Variants in LDLRAD4 observed in about 807,000 individuals in gnomAD.
LDLRAD4 encodes low density lipoprotein receptor class A domain containing 4.
LDLRAD4 carries 5 observed loss-of-function variants against 17.0 expected under a neutral mutation model. That is an observed-to-expected ratio of 0.29 (90% CI 0.15 to 0.62). The LOEUF (loss-of-function observed/expected upper bound fraction) is 0.62. LDLRAD4 is among the 20% of genes least tolerant of loss of function. The probability of loss-of-function intolerance (pLI) is 0.84; values close to 1 mark genes in which losing one functional copy is unlikely to be tolerated. For missense variants in LDLRAD4, 340 were observed against 424.7 expected, an observed-to-expected ratio of 0.80 and a Z score of 1.75; for synonymous variants, 168 against 171.8, an observed-to-expected ratio of 0.98 and a Z score of 0.17.
In LDLRAD4 at chr18:13,466,415, A is replaced by C. The variant is rs28563909; in HGVS notation, c.181+28031A>C. Among the ~76,000 whole-genome samples the C allele has an allele frequency of 7.0e-3, 1,014 of 145,072 alleles. 16 individuals are homozygous for C. The highest frequency in any genetic ancestry group is 0.024 in the African/African-American group (953 of 39,520). ...AGCCTAAGAGGTTGAGGCTGCAGTG[A>C]GCTGTGATCATGCCAGTGCACTCCA... is the stretch of plus-strand genomic sequence containing the variant. On this transcript the variant is annotated intron_variant, in intron 3 of 5. Transcript: ENST00000359446.
rs181414051 is a variant in LDLRAD4, at chr18:13,493,456, C to G, written c.181+55072C>G. On this transcript the variant is annotated intron_variant, in intron 3 of 5. Coordinates refer to ENST00000359446, the Ensembl canonical transcript of LDLRAD4. ...AAAAGTAGGTTGTGGAAGCAATGAT[C>G]ACTAGAAATATTTTATGGAAAAACA... 2.5e-3 allele frequency among the ~76,000 whole-genome samples: 378 copies of G among 152,224 alleles called. 3 individuals are homozygous for G. The highest frequency in any genetic ancestry group is 8.6e-3 in the African/African-American group (358 of 41,538).
chr18:13,586,045 T>G (rs2094928607), intron 3 of LDLRAD4, among the ~76,000 whole-genome samples: 2 of 152,124 alleles, frequency 1.3e-5, no homozygotes, highest in Admixed American at 1.3e-4. Context: ...GAATGAAAGT[T>G]GAAGATATGG....
At chr18:13,437,260 C>T (rs1316457904) in intron 2 of LDLRAD4, among the ~76,000 whole-genome samples, 2 of 152,216 alleles carry the variant, frequency 1.3e-5, no homozygotes, top group African/African-American at 2.4e-5. Flanking sequence ...ACCCGGGACT[C>T]CTCCAGAGAC....
At chr18:13,394,287 A>G (rs1392361260) in intron 2 of LDLRAD4, among the ~76,000 whole-genome samples, 2 of 152,238 alleles carry the variant, frequency 1.3e-5, no homozygotes, top group African/African-American at 4.8e-5. Flanking sequence ...AAACCATTCT[A>G]TACTGTTTCA....
At chr18:13,444,742 G>A (rs919489166) in intron 3 of LDLRAD4, among the ~76,000 whole-genome samples, 2 of 152,194 alleles carry the variant, frequency 1.3e-5, no homozygotes, top group Non-Finnish European at 1.5e-5. Flanking sequence ...GGTGCCTGGC[G>A]CATGTAGCAT....
At chr18:13,419,186 A>T (rs2089218786) in intron 2 of LDLRAD4, among the ~76,000 whole-genome samples, 2 of 152,174 alleles carry the variant, frequency 1.3e-5, no homozygotes. Flanking sequence ...GCAGTTGGGG[A>T]TCCACATAGG....
chr18:13,575,388 A>T (rs922582024), intron 3 of LDLRAD4, among the ~76,000 whole-genome samples: 3 of 152,178 alleles, frequency 2.0e-5, no homozygotes, highest in African/African-American at 4.8e-5. Flanking sequence ...GTTGCTGCAA[A>T]TGCCATTAAT....
intron 3 of LDLRAD4, among the ~76,000 whole-genome samples, chr18:13,554,311 T>C (rs7231732): frequency 0.22 from 33,549 of 152,230 alleles, 3,997 homozygotes; most frequent in African/African-American, 0.27. Flanking sequence ...CCCATAGCAA[T>C]GTATGAAACT....
At position 13,642,319 on chromosome 18, in the gene LDLRAD4, C is replaced by G. The variant is rs562696525; in HGVS notation, c.337-1040C>G. 4.5e-5 allele frequency: 45 copies of G among 995,768 alleles called. No homozygotes were observed. The African/African-American group carries it at 7.2e-4, about 16-fold the overall frequency. 61.7% of individuals were successfully genotyped at this position (995,768 alleles called of 1,614,324 possible). On this transcript the variant is annotated intron_variant, in intron 4 of 5. Coordinates refer to ENST00000359446, the Ensembl canonical transcript of LDLRAD4. ...AACGCGGGCCCCTACACGCTGAGTT[C>G]GCGCTCTCCCGTGACGGCCGACAGC...
At chr18:13,551,290 A>G (rs112857879) in intron 3 of LDLRAD4, among the ~76,000 whole-genome samples, 1 of 152,012 alleles carries the variant, frequency 6.6e-6, no homozygotes, top group Non-Finnish European at 1.5e-5. Flanking sequence ...TGACCTTCCT[A>G]TCAGGGCCAC....
chr18:13,485,173 C>T (rs12960530), intron 3 of LDLRAD4, among the ~76,000 whole-genome samples: 5,040 of 152,290 alleles, frequency 0.033, 138 homozygotes, highest in South Asian at 0.076. Context: ...CTGAGCTCCT[C>T]GTGGGGAGGA....
chr18:13,310,062 C>G (rs913768448), intron 1 of LDLRAD4, among the ~76,000 whole-genome samples: 1 of 151,814 alleles, frequency 6.6e-6, no homozygotes, highest in Non-Finnish European at 1.5e-5. Flanking sequence ...CATTGAACCT[C>G]GGCATGGTGT....
chr18:13,438,752 A>G (rs1471137732), intron 3 of LDLRAD4, among the ~76,000 whole-genome samples: 3 of 152,252 alleles, frequency 2.0e-5, no homozygotes, highest in Non-Finnish European at 4.4e-5. Flanking sequence ...TAATCATGCA[A>G]CTGAAATATG....
intron 2 of LDLRAD4, among the ~76,000 whole-genome samples, chr18:13,425,390 A>G (rs1275970162): frequency 1.3e-5 from 2 of 152,164 alleles, no homozygotes; most frequent in Admixed American, 1.3e-4. Flanking sequence ...TCTGGGTTAC[A>G]TTTGTCTCAT....
intron 3 of LDLRAD4, among the ~76,000 whole-genome samples, chr18:13,527,687 G>C (rs1037282956): frequency 6.6e-6 from 1 of 152,216 alleles, no homozygotes; most frequent in Non-Finnish European, 1.5e-5. Context: ...GCTGGAGGGA[G>C]AAACGAGGCA....
chr18:13,265,873 C>A (rs897675981), intron 1 of LDLRAD4, among the ~76,000 whole-genome samples: 1 of 152,174 alleles, frequency 6.6e-6, no homozygotes, highest in Admixed American at 6.5e-5. Context: ...CCTCACTACT[C>A]CTGAGGTCTT....
intron 3 of LDLRAD4, among the ~76,000 whole-genome samples, chr18:13,616,912 G>T (rs1390369982): frequency 6.6e-6 from 1 of 152,054 alleles, no homozygotes; most frequent in Non-Finnish European, 1.5e-5. Context: ...TGCCACTAGG[G>T]TGCCCGTGAA....
At chr18:13,574,378 C>T (rs2148375974) in intron 3 of LDLRAD4, among the ~76,000 whole-genome samples, 1 of 152,274 alleles carries the variant, frequency 6.6e-6, no homozygotes, top group East Asian at 1.9e-4. Context: ...TCACAGTGTG[C>T]CGTCCAGACC....
intron 2 of LDLRAD4, among the ~76,000 whole-genome samples, chr18:13,408,373 CA>C (rs1409612495): frequency 0.11 from 5,579 of 51,906 alleles, 97 homozygotes; most frequent in East Asian, 0.19. Flanking sequence ...GACCCTGTCT[CA>C]AAAAAAAAAA....
Sources: gnomAD v4.1 joint callset for allele counts (sites outside exome capture counted in the v4.1 genomes callset) on GRCh38, gnomAD v4.1.1 for gene constraint, MANE v1.5 for transcripts, NCBI Gene and HGNC (gene_info 2026-07-23, HGNC 2026-07-21) for gene names.